TAF6: variants seen among roughly 807,000 people sequenced by gnomAD.
TAF6 encodes the protein transcription initiation factor TFIID subunit 6.
In TAF6, 50 loss-of-function variants were observed where a neutral mutation model predicts 73.5. That is an observed-to-expected ratio of 0.68 (90% CI 0.54 to 0.86). TAF6 has a LOEUF of 0.86. Among genes scored for constraint, TAF6 ranks in the 40% least tolerant of loss-of-function variants. The pLI, the probability that TAF6 is intolerant of heterozygous loss-of-function variation, is 0.00. For synonymous variants in TAF6, 424 were observed against 376.7 expected (o/e 1.13, Z -1.45); for missense variants, 768 against 899.5 (o/e 0.85, Z 1.87).
rs759409225 is a variant in TAF6, at chr7:100,107,589, C to T, written c.1691G>A (p.Gly564Asp). ...GGTGACGGGCGAAGTGGTGGTGGAA[C>T]CTGAGCCGGGGGCCGAGGTGCTGAG... is the stretch of plus-strand genomic sequence containing the variant. ...LSLSTSAPGS[G>D]STTTSPVTTT... The change falls in exon 15 of 15, where the codon GGT becomes GAT. Residue 564 changes from glycine to aspartate, a missense_variant. Gly to Asp is a moderately conservative substitution (Grantham distance 94). This residue lies in a region of TAF6 where 350 missense variants were observed against 352.3 expected (regional missense o/e 0.99). Coordinates refer to ENST00000453269, the MANE Select transcript of TAF6 (RefSeq NM_139315.3). 8 of 1,613,576 alleles carry T rather than the reference C, an allele frequency of 5.0e-6. No individual in the cohort carries two copies. In the South Asian group the frequency reaches 5.5e-5, roughly 11 times the overall value.
upstream of TAF6, chr7:100,122,274 G>A: frequency 6.2e-7 from 1 of 1,614,032 alleles, no homozygotes. Flanking sequence ...AAGCTGCTGA[G>A]CACAGAGCTA....
intron 4 of TAF6, 22 bp from the exon 5 acceptor site, chr7:100,113,427 A>T: frequency 6.4e-7 from 1 of 1,565,600 alleles, no homozygotes; most frequent in Non-Finnish European, 8.7e-7. Flanking sequence ...GCAGGTGTCA[A>T]GGTGAATTGC....
At position 100,119,291 on chromosome 7, in the gene TAF6, A is replaced by C; in HGVS notation, c.-147T>G. On this transcript the variant is annotated 5_prime_UTR_variant, in exon 1 of 15. Coordinates refer to ENST00000453269, the MANE Select transcript of TAF6 (RefSeq NM_139315.3). The stretch of plus-strand genomic sequence containing the variant: ...CCGCCCCCGCCACCCGAGCGCGGGG[A>C]GCAGGAAAACTCTAGCGGCAGCCGA... The C allele has an allele frequency of 9.8e-7, 1 of 1,020,452 alleles. No homozygotes were observed. The allele number at this position is 1,020,452 out of a possible 1,614,324, so 63.2% of individuals were successfully genotyped here.
chr7:100,111,154 G>T lies in TAF6; in HGVS notation c.1068C>A (p.Thr356=), dbSNP rs761384876. 1.2e-6 allele frequency: 2 copies of T among 1,613,798 alleles called. No homozygotes were observed. The highest frequency in any genetic ancestry group is 3.3e-5 in the Admixed American group (2 of 59,976). Residue 356 remains threonine, a synonymous_variant, in exon 10 of 15, where the codon ACC becomes ACA. Coordinates refer to ENST00000453269, the MANE Select transcript of TAF6 (RefSeq NM_139315.3). ...TTTNNIQSRI[T]KTFTKSWVDE... is the part of the protein sequence containing the mutation. ...CCTGGCTCACCTTGGTGAAGGTCTT[G>T]GTGATCCGGGACTGGATGTTGTTAG...
rs375251366 is a variant in TAF6, at chr7:100,108,049, G to C, written c.1533C>G (p.Gly511=). The C allele has an allele frequency of 3.1e-6, 5 of 1,613,440 alleles. No homozygotes were observed. The highest frequency in any genetic ancestry group is 4.2e-6 in the Non-Finnish European group (5 of 1,179,868). The part of the protein sequence containing the change: ...PRTPGLLKVP[G]SIALPVQTLV... ...GTGTCTGGACAGGAAGTGCGATGGA[G>C]CCAGGAACCTTCAGCAAGCCAGGGG... Residue 511 remains glycine, a synonymous_variant, in exon 14 of 15, where the codon GGC becomes GGG. Transcript: ENST00000453269.
chr7:100,110,088 A>G lies in TAF6; in HGVS notation c.1159-15T>C. 6.2e-7 allele frequency: 1 copy of G among 1,614,034 alleles called. No homozygotes were observed. Among genetic ancestry groups the G allele is most frequent in the Middle Eastern group, 1.6e-4 (1 of 6,062 alleles). The stretch of plus-strand genomic sequence containing the variant: ...GTCTTGATAACCTGTTAGAAGGGAA[A>G]AGGACAAGCAAAAGCCGGAGGGTCA... On this transcript the variant is annotated splice_polypyrimidine_tract_variant and intron_variant, in intron 11 of 14. Transcript: ENST00000453269.
In TAF6 at chr7:100,107,358, C is replaced by T; in HGVS notation, c.1922G>A (p.Ser641Asn). 1 of 1,566,866 alleles carries T rather than the reference C, an allele frequency of 6.4e-7. No homozygotes were observed. Among genetic ancestry groups the T allele is most frequent in the Non-Finnish European group, 8.7e-7 (1 of 1,153,910 alleles). ...CTCCTGCTTCCCCCCACAAAGGGCA[C>T]TGCCGCTGAGTGGGGACGGGGACGA... ...PASSPSPLSG[S>N]ALCGGKQEAG... Residue 641 changes from serine (S) to asparagine (N), a missense_variant, in exon 15 of 15, where the codon AGT becomes AAT. Ser to Asn is a conservative substitution (Grantham distance 46, BLOSUM62 1). This residue lies in a region of TAF6 where 350 missense variants were observed against 352.3 expected (regional missense o/e 0.99). Transcript: ENST00000453269.
At position 100,109,972 on chromosome 7, in the gene TAF6, T is replaced by G; in HGVS notation, c.1260A>C (p.Ala420=). 6.2e-7 allele frequency: 1 copy of G among 1,614,214 alleles called. No homozygotes were observed. Among genetic ancestry groups the G allele is most frequent in the Non-Finnish European group, 8.5e-7 (1 of 1,180,032 alleles). ...CCAGCAGGAGGCTCTGCACATGGTCTGCTCCAATCCGGTCAATGTTGCTCA... is the reference window on the plus strand; with the variant it reads ...CCAGCAGGAGGCTCTGCACATGGTCGGCTCCAATCCGGTCAATGTTGCTCA... ...PVLSNIDRIG[A]DHVQSLLLKH... is the part of the protein sequence containing the mutation. Residue 420 remains alanine, a synonymous_variant, in exon 12 of 15, where the codon GCA becomes GCC. Transcript: ENST00000453269.
chr7:100,119,633 C>T (rs1010652207), upstream of TAF6: 5 of 1,598,572 alleles, frequency 3.1e-6, no homozygotes, highest in African/African-American at 6.7e-5. Flanking sequence ...CATGCGCCGA[C>T]CTTCCTCGGC....
chr7:100,110,461 G>A, intron 10 of TAF6, 187 bp from the exon 11 acceptor site: 1 of 522,862 alleles, frequency 1.9e-6, no homozygotes, highest in Admixed American at 3.0e-5. Context: ...GAGGTCAGGA[G>A]TTCCAGACCA....
rs1444413284 is a variant in TAF6 at position 100,119,266 on chromosome 7, C to A, written c.-122G>T. 15 of 1,026,684 alleles carry A rather than the reference C, an allele frequency of 1.5e-5. No individual in the cohort carries two copies. The highest frequency in any genetic ancestry group is 1.8e-5 in the Non-Finnish European group (15 of 853,140). 63.6% of individuals were successfully genotyped at this position (1,026,684 alleles called of 1,614,324 possible). On this transcript the variant is annotated 5_prime_UTR_variant, in exon 1 of 15. Coordinates refer to ENST00000453269, the MANE Select transcript of TAF6 (RefSeq NM_139315.3). ...GTCTCCTCCGGGGTACCACTCAGAC[C>A]CGCCCCCGCCACCCGAGCGCGGGGA...
intron 9 of TAF6, 119 bp downstream of exon 9, chr7:100,111,609 C>T: frequency 9.3e-7 from 1 of 1,077,782 alleles, no homozygotes; most frequent in Non-Finnish European, 1.4e-6. Flanking sequence ...GCAATCCTCC[C>T]ACTTCGGCCT....
Position 100,108,370 on chromosome 7 carries a change from C to T in TAF6, c.1455G>A (p.Thr485=), listed in dbSNP as rs147335980. 1.3e-5 allele frequency: 21 copies of T among 1,598,710 alleles called. No homozygotes were observed. The African/African-American group carries it at 1.5e-4, about 11-fold the overall frequency. The change falls in exon 13 of 15, where the codon ACG becomes ACA. Residue 485 remains threonine (T), a synonymous_variant. Coordinates refer to ENST00000453269, the MANE Select transcript of TAF6 (RefSeq NM_139315.3). ...QQVNRTTLTI[T]QPRPTLTLSQ... is the part of the protein sequence containing the mutation. ...TCCTCCCCACCCGGCCACGGACCTGCGTGATGGTCAGAGTGGTCCTGTTGA... is the reference window on the plus strand; with the variant it reads ...TCCTCCCCACCCGGCCACGGACCTGTGTGATGGTCAGAGTGGTCCTGTTGA...
rs1797009903 is a variant in TAF6, at chr7:100,109,939, T to C, written c.1284+9A>G. The C allele has an allele frequency of 6.2e-7, 1 of 1,613,884 alleles. No individual in the cohort carries two copies. On this transcript the variant is annotated intron_variant, in intron 12 of 14. Coordinates refer to ENST00000453269, the MANE Select transcript of TAF6 (RefSeq NM_139315.3). ...AGTGGGCAGGTGTGGGGACAGGGGC[T>C]TCAGTCACCAGCAGGAGGCTCTGCA... is the stretch of plus-strand genomic sequence containing the variant.
intron 1 of TAF6, 53 bp downstream of exon 1, chr7:100,119,151 C>G (rs1797927970): frequency 2.0e-6 from 2 of 987,574 alleles, no homozygotes; most frequent in Non-Finnish European, 1.2e-6. Flanking sequence ...TGCAACATCT[C>G]TCCAATGCAG....
intron 14 of TAF6, 133 bp from the exon 15 acceptor site, chr7:100,107,756 G>A: frequency 7.0e-7 from 1 of 1,431,754 alleles, no homozygotes; most frequent in Non-Finnish European, 9.3e-7. Context: ...GCTATGGCTG[G>A]AGACCTTGTT....
intron 5 of TAF6, 66 bp downstream of exon 5, chr7:100,113,282 CA>C (rs923760315): frequency 0.011 from 12,427 of 1,132,076 alleles, no homozygotes; most frequent in South Asian, 0.017. Context: ...GACTCTGTCT[CA>C]AAAAAAAAAG....
chr7:100,122,724 A>T (rs1280624620), upstream of TAF6: 4 of 1,574,610 alleles, frequency 2.5e-6, no homozygotes, highest in Admixed American at 3.6e-5. Flanking sequence ...GAAATGGCAG[A>T]AAGGGGAAGG....
At position 100,112,218 on chromosome 7, in the gene TAF6, C is replaced by A. The variant is rs144051703; in HGVS notation, c.610G>T (p.Ala204Ser). 3.1e-6 allele frequency: 5 copies of A among 1,613,954 alleles called. No individual in the cohort carries two copies. The East Asian group carries it at 8.9e-5, about 29-fold the overall frequency. ...CTCCGGGGCTTCAGTCGCAAGGGGG[C>A]CCCCTCCAGCAAGGGCGGCGCCTTC... is the stretch of plus-strand genomic sequence containing the variant. ...EKKAPPLLEG[A>S]PLRLKPRSIH... is the part of the protein sequence containing the mutation. The change falls in exon 7 of 15, where the codon GCC becomes TCC. Residue 204 changes from alanine (A) to serine (S), a missense_variant. Coordinates refer to ENST00000453269, the MANE Select transcript of TAF6 (RefSeq NM_139315.3).
Sources: allele counts gnomAD v4.1 joint callset, GRCh38; gene constraint gnomAD v4.1.1; regional missense constraint gnomAD v4.1.1; transcripts MANE v1.5; gene names NCBI Gene and HGNC (gene_info 2026-07-23, HGNC 2026-07-21).